The following PRKCB variants were observed in gnomAD, a reference collection of about 807,000 sequenced individuals.
The protein encoded by PRKCB is protein kinase C beta type.
Under a neutral mutation model 81.5 loss-of-function variants are expected in PRKCB, and 13 were observed. The ratio of observed to expected loss-of-function variants is 0.16; its 90% CI spans 0.10 to 0.25. The LOEUF is 0.25. Ranked by LOEUF, PRKCB falls within the 10% of genes least tolerant of loss-of-function variation. The pLI, the probability that PRKCB is intolerant of heterozygous loss-of-function variation, is 1.00. For missense variants in PRKCB, 509 were observed against 875.7 expected (o/e 0.58, Z 5.29); for synonymous variants, 335 against 321.4 (o/e 1.04, Z -0.45).
intron 7 of PRKCB, among the ~76,000 whole-genome samples, chr16:24,105,747 A>G (rs1013765808): frequency 1.3e-5 from 2 of 152,072 alleles, no homozygotes; most frequent in Admixed American, 6.6e-5. Context: ...TGGTGTATAT[A>G]TGCCACATTT....
intron 9 of PRKCB, among the ~76,000 whole-genome samples, chr16:24,127,571 G>A (rs774883857): frequency 2.0e-5 from 3 of 151,694 alleles, no homozygotes; most frequent in Non-Finnish European, 4.4e-5. Context: ...CAAAACAGAC[G>A]AGAGGATGTT....
intron 2 of PRKCB, among the ~76,000 whole-genome samples, chr16:23,887,711 C>G (rs894236034): frequency 1.3e-5 from 2 of 152,078 alleles, no homozygotes; most frequent in Admixed American, 6.5e-5. Flanking sequence ...GGGTATATAC[C>G]CAGTAATGGG....
At chr16:24,159,311 C>T (rs959138339) in intron 10 of PRKCB, among the ~76,000 whole-genome samples, 2 of 152,214 alleles carry the variant, frequency 1.3e-5, no homozygotes, top group African/African-American at 4.8e-5. Context: ...CGACACAGCA[C>T]TGGGTCATTG....
intron 4 of PRKCB, 119 bp from the exon 5 acceptor site, chr16:24,035,300 T>C: frequency 7.5e-7 from 1 of 1,326,308 alleles, no homozygotes; most frequent in Non-Finnish European, 1.0e-6. Context: ...CAGGCTCGTG[T>C]GTCTCAGCTG....
intron 5 of PRKCB, among the ~76,000 whole-genome samples, chr16:24,087,113 A>T (rs1966319171): frequency 6.6e-6 from 1 of 152,168 alleles, no homozygotes; most frequent in African/African-American, 2.4e-5. Context: ...CTTATCCTGA[A>T]ATACTTCAGT....
At position 24,216,355 on chromosome 16, in the gene PRKCB, C is replaced by T; in HGVS notation, c.*1539C>T. 1 of 985,436 alleles carries T rather than the reference C, an allele frequency of 1.0e-6. No homozygotes were observed. Among genetic ancestry groups the T allele is most frequent in the Non-Finnish European group, 1.2e-6 (1 of 829,936 alleles). The allele number at this position is 985,436 out of a possible 1,614,324, so 61.0% of individuals were successfully genotyped here. On this transcript the variant is annotated 3_prime_UTR_variant, in exon 17 of 17. Coordinates refer to ENST00000643927, the MANE Select transcript of PRKCB (RefSeq NM_002738.7). ...TCTTTCTAGCAAGCAGCTTTGTGAG[C>T]TCCCTGAAGCCCAAGGAAACCCTTC...
intron 16 of PRKCB, among the ~76,000 whole-genome samples, chr16:24,200,575 G>C (rs149686158): frequency 7.2e-5 from 11 of 152,202 alleles, no homozygotes; most frequent in Non-Finnish European, 1.0e-4. Context: ...AGTTCTGGAG[G>C]CTGGGAAGTC....
In PRKCB at chr16:24,215,238, T is replaced by C. The variant is rs938193521; in HGVS notation, c.*422T>C. On this transcript the variant is annotated 3_prime_UTR_variant, in exon 17 of 17. Coordinates refer to ENST00000643927, the MANE Select transcript of PRKCB (RefSeq NM_002738.7). ...GGAGCTTGGCTTGTATCCAAGTGTA[T>C]GGTTGCTTTGCCTAAGAGGAATCCC... The C allele has an allele frequency of 1.0e-5, 10 of 997,784 alleles. No individual in the cohort carries two copies. Among genetic ancestry groups the C allele is most frequent in the Non-Finnish European group, 1.2e-5 (10 of 836,918 alleles). The allele number at this position is 997,784 out of a possible 1,614,324, so 61.8% of individuals were successfully genotyped here. A position where few individuals can be genotyped will look rare whatever the true frequency, so the allele number is the denominator to read the frequency against.
chr16:24,051,216 C>T (rs983850146), intron 5 of PRKCB, among the ~76,000 whole-genome samples: 6 of 152,150 alleles, frequency 3.9e-5, no homozygotes, highest in African/African-American at 7.2e-5. Context: ...GCAGAGGAAG[C>T]GGAAAGAAAA....
At chr16:24,212,269 A>G (rs1258012491) in intron 16 of PRKCB, among the ~76,000 whole-genome samples, 1 of 152,020 alleles carries the variant, frequency 6.6e-6, no homozygotes, top group African/African-American at 2.4e-5. Flanking sequence ...TAAAACACCT[A>G]TTTCACAGAG....
At chr16:24,196,088 A>T (rs1596593703) in intron 16 of PRKCB, among the ~76,000 whole-genome samples, 1 of 152,306 alleles carries the variant, frequency 6.6e-6, no homozygotes, top group Non-Finnish European at 1.5e-5. Context: ...TCCCATCAAG[A>T]AATTCATCAC....
chr16:23,950,937 G>C (rs196000), intron 2 of PRKCB, among the ~76,000 whole-genome samples: 147,138 of 152,304 alleles, frequency 0.97, 71,114 homozygotes, highest in East Asian at 1. Context: ...GCATCAATGG[G>C]GTACTCTATT....
At chr16:24,129,015 TA>T (rs748336771) in intron 9 of PRKCB, among the ~76,000 whole-genome samples, 2 of 152,198 alleles carry the variant, frequency 1.3e-5, no homozygotes, top group Non-Finnish European at 2.9e-5. Context: ...ATACAGCAAA[TA>T]CTTGATCAAG....
At chr16:24,183,727 T>C (rs1967661918) in intron 13 of PRKCB, among the ~76,000 whole-genome samples, 1 of 152,240 alleles carries the variant, frequency 6.6e-6, no homozygotes, top group Non-Finnish European at 1.5e-5. Flanking sequence ...ACTTCTCCTG[T>C]GGTCAGACAG....
chr16:24,044,352 ACT>A (rs1253964325), intron 5 of PRKCB, among the ~76,000 whole-genome samples: 1 of 151,978 alleles, frequency 6.6e-6, no homozygotes, highest in Non-Finnish European at 1.5e-5. Context: ...ATAGAGTAAG[ACT>A]CTGTCTCAAA....
chr16:23,874,566 C>CTT (rs1207774401), intron 2 of PRKCB, among the ~76,000 whole-genome samples: 3 of 26,272 alleles, frequency 1.1e-4, no homozygotes, highest in African/African-American at 5.4e-4. Context: ...AGATTCTTCT[C>CTT]TCTTTTTTTT....
At chr16:24,031,750 A>G (rs189116262) in intron 3 of PRKCB, among the ~76,000 whole-genome samples, 10 of 152,162 alleles carry the variant, frequency 6.6e-5, no homozygotes, top group Admixed American at 6.5e-4. Context: ...ATGCTTGGAG[A>G]ATAAAGGTGG....
intron 2 of PRKCB, among the ~76,000 whole-genome samples, chr16:23,875,912 T>C (rs916915419): frequency 2.0e-5 from 3 of 152,164 alleles, no homozygotes; most frequent in African/African-American, 7.2e-5. Flanking sequence ...ACAGCCCAAG[T>C]CTGCATTCCT....
intron 2 of PRKCB, among the ~76,000 whole-genome samples, chr16:23,920,546 CAATTTAATGT>C (rs1963808914): frequency 6.6e-6 from 1 of 152,136 alleles, no homozygotes; most frequent in South Asian, 2.1e-4. Context: ...ACTAATGGAA[CAATTTAATGT>C]AATTTCAGAG....
Sources: gnomAD v4.1 joint callset for allele counts (sites outside exome capture counted in the v4.1 genomes callset) on GRCh38, gnomAD v4.1.1 for gene constraint, MANE v1.5 for transcripts, NCBI Gene and HGNC (gene_info 2026-07-23, HGNC 2026-07-21) for gene names.